RGS3: variants seen among roughly 807,000 people sequenced by gnomAD.
RGS3 encodes regulator of G protein signaling 3, also known as regulator of G-protein signalling 3.
RGS3 carries 80 observed loss-of-function variants against 132.6 expected under a neutral mutation model. That is an observed-to-expected ratio of 0.60 (90% CI 0.50 to 0.73). The LOEUF (loss-of-function observed/expected upper bound fraction) is 0.73, where lower values mean the gene tolerates loss of function less well. Among genes scored for constraint, RGS3 ranks in the 30% least tolerant of loss-of-function variants. The probability of loss-of-function intolerance (pLI) is 0.00; values close to 1 mark genes in which losing one functional copy is unlikely to be tolerated. For missense variants in RGS3, 1,382 were observed against 1,530.8 expected (o/e 0.90, Z 1.62); for synonymous variants, 598 against 620.6 (o/e 0.96, Z 0.54).
intron 17 of RGS3, among the ~76,000 whole-genome samples, chr9:113,527,755 A>T (rs1434497466): frequency 6.6e-6 from 1 of 152,150 alleles, no homozygotes; most frequent in African/African-American, 2.4e-5. Context: ...TTAGGAATTG[A>T]CTTGACCCAC....
rs1831165601 is a variant in RGS3 at position 113,507,173 on chromosome 9, CT to C, written c.1086-113del. On this transcript the variant is annotated intron_variant, in intron 12 of 24. Coordinates refer to ENST00000350696, the Ensembl canonical transcript of RGS3. The surrounding 1 kb of genome is among the most constrained non-coding windows in gnomAD (Gnocchi z 5.0). ...CCTGCCCTGACACTGGGGGCTTCCC[CT>C]CTGGTGTCTGCCTCCTCTTCCCCCA... 4 of 827,160 alleles carry C rather than the reference CT, an allele frequency of 4.8e-6. No individual in the cohort carries two copies. The highest frequency in any genetic ancestry group is 1.8e-5 in the South Asian group (1 of 55,762). 51.2% of individuals were successfully genotyped at this position (827,160 alleles called of 1,614,324 possible).
At position 113,584,416 on chromosome 9, in the gene RGS3, G is replaced by A. The variant is rs143304709; in HGVS notation, c.3004G>A (p.Gly1002Arg). The A allele has an allele frequency of 1.7e-4, 250 of 1,514,132 alleles. 1 individual carries two copies. The East Asian group carries it at 5.6e-3, about 34-fold the overall frequency. 93.8% of individuals were successfully genotyped at this position (1,514,132 alleles called of 1,614,324 possible). A position where few individuals can be genotyped will look rare whatever the true frequency, so the allele number is the denominator to read the frequency against. The change falls in exon 20 of 25, where the codon GGA becomes AGA. Residue 1002 changes from glycine (G) to arginine (R), a missense_variant. Coordinates refer to ENST00000350696, the Ensembl canonical transcript of RGS3. ...GCACCACCTTTCCCTCTTCTTCACA[G>A]GACACAGGAAGGTGAGAAAGCTAAA... is the stretch of plus-strand genomic sequence containing the variant.
intron 19 of RGS3, among the ~76,000 whole-genome samples, chr9:113,556,459 A>G (rs1038511783): frequency 1.3e-5 from 2 of 152,218 alleles, no homozygotes; most frequent in African/African-American, 4.8e-5. Flanking sequence ...GTGATAATAT[A>G]TAATCTTCCC....
At position 113,540,487 on chromosome 9, in the gene RGS3, C is replaced by T. The variant is rs572257448; in HGVS notation, c.2037+3569C>T. Among the ~76,000 whole-genome samples the T allele has an allele frequency of 8.3e-4, 127 of 152,248 alleles. 2 individuals carry two copies. The South Asian group carries it at 0.01, about 12-fold the overall frequency. On this transcript the variant is annotated intron_variant, in intron 19 of 24. Transcript: ENST00000350696. ...GATCTAAGCATGAAAGCCATGCTTGCGGGTCCTAAGAAGGATCCAGTGGGG... is the reference window on the plus strand; with the variant it reads ...GATCTAAGCATGAAAGCCATGCTTGTGGGTCCTAAGAAGGATCCAGTGGGG...
chr9:113,463,554 C>T lies in RGS3; in HGVS notation c.415+1353C>T, dbSNP rs540505179. ...TCCTGCTGGCTCCTTGGGTGGCTGCCGTCGCTGCTCAGCGCGGGTCGGCGG... is the reference window on the plus strand; with the variant it reads ...TCCTGCTGGCTCCTTGGGTGGCTGCTGTCGCTGCTCAGCGCGGGTCGGCGG... On this transcript the variant is annotated intron_variant, in intron 3 of 24. Coordinates refer to ENST00000350696, the Ensembl canonical transcript of RGS3. This position sits in a 1 kb window ranked among gnomAD's most constrained non-coding sequence, Gnocchi z 4.6. 7 of 308,744 alleles carry T rather than the reference C, an allele frequency of 2.3e-5. No individual in the cohort carries two copies. Among genetic ancestry groups the T allele is most frequent in the African/African-American group, 1.1e-4 (5 of 44,550 alleles). 19.1% of individuals were successfully genotyped at this position (308,744 alleles called of 1,614,324 possible).
intron 7 of RGS3, among the ~76,000 whole-genome samples, chr9:113,487,827 G>A (rs1476319220): frequency 6.6e-6 from 1 of 152,194 alleles, no homozygotes; most frequent in Non-Finnish European, 1.5e-5. Flanking sequence ...GGTGGTTCTC[G>A]ATCCTGGATA....
intron 20 of RGS3, chr9:113,589,962 C>G (rs1457756014): frequency 1.3e-5 from 2 of 152,234 alleles, no homozygotes; most frequent in Non-Finnish European, 2.9e-5. Flanking sequence ...AAATCACACA[C>G]CATACGGTGT....
chr9:113,498,341 C>T (rs1830752656), intron 10 of RGS3, among the ~76,000 whole-genome samples: 1 of 152,258 alleles, frequency 6.6e-6, no homozygotes, highest in East Asian at 1.9e-4. Context: ...ATCTTACTAA[C>T]TTTGGGCCTC....
intron 19 of RGS3, among the ~76,000 whole-genome samples, chr9:113,563,742 G>C (rs569162841): frequency 1.5e-4 from 23 of 152,306 alleles, no homozygotes; most frequent in Admixed American, 1.4e-3. Context: ...ATTCTGAGTC[G>C]ACCCGATAAA....
intron 10 of RGS3, among the ~76,000 whole-genome samples, chr9:113,504,118 C>G (rs897925221): frequency 2.0e-5 from 3 of 152,126 alleles, no homozygotes; most frequent in Non-Finnish European, 4.4e-5. Flanking sequence ...TCTGAGCCCC[C>G]TCCCACTCAC....
intron 10 of RGS3, among the ~76,000 whole-genome samples, chr9:113,502,539 C>A (rs1192021811): frequency 3.9e-5 from 6 of 152,226 alleles, no homozygotes; most frequent in African/African-American, 1.4e-4. Context: ...CTTCAGGCCC[C>A]ACTCTGTGTT....
At chr9:113,447,903 G>C (rs909354905) in intron 1 of RGS3, among the ~76,000 whole-genome samples, 1 of 149,948 alleles carries the variant, frequency 6.7e-6, no homozygotes, top group African/African-American at 2.5e-5. Context: ...AGGCTGCCAG[G>C]TTGGAGTGCA....
At chr9:113,510,050 T>C (rs113435711) in intron 14 of RGS3, among the ~76,000 whole-genome samples, 5,999 of 152,290 alleles carry the variant, frequency 0.039, 163 homozygotes, top group South Asian at 0.1. Flanking sequence ...GAGCAGAATA[T>C]ACTGCACCCC....
exon 3 of RGS3, chr9:113,462,190 T>A (rs773431210): frequency 6.2e-7 from 1 of 1,613,554 alleles, no homozygotes; most frequent in Admixed American, 1.7e-5. Context: ...CATGCCAAAG[T>A]CCAGGGTGCA....
At chr9:113,590,667 C>T (rs1195252282) in intron 20 of RGS3, among the ~76,000 whole-genome samples, 2 of 152,038 alleles carry the variant, frequency 1.3e-5, no homozygotes, top group East Asian at 3.9e-4. Context: ...TGAAGACCTT[C>T]TGTTGGTTGG....
At chr9:113,581,376 T>C (rs1225388418) in intron 19 of RGS3, 1 of 152,248 alleles carries the variant, frequency 6.6e-6, no homozygotes, top group African/African-American at 2.4e-5. Context: ...CAGCCCTTAG[T>C]TTCCAGATGA....
chr9:113,466,051 C>T (rs1240599403), intron 3 of RGS3, among the ~76,000 whole-genome samples: 2 of 152,208 alleles, frequency 1.3e-5, no homozygotes, highest in Non-Finnish European at 2.9e-5. Flanking sequence ...GTTAAAAATA[C>T]ACAGATTCCT....
intron 6 of RGS3, 69 bp from the exon 5 acceptor site, chr9:113,485,556 C>A: frequency 8.0e-7 from 1 of 1,252,032 alleles, no homozygotes; most frequent in Non-Finnish European, 1.1e-6. Flanking sequence ...TTATGACTGA[C>A]TCTATGAGTC....
At position 113,498,097 on chromosome 9, in the gene RGS3, T is replaced by C. The variant is rs1430162433; in HGVS notation, c.897+17T>C. ...AAACTAAAGGTAGGTGGGGACAAGC[T>C]AGGGCATTGCTCCAGGAGCTGGATC... On this transcript the variant is annotated intron_variant, in intron 10 of 24. Transcript: ENST00000350696. 1.9e-6 allele frequency: 3 copies of C among 1,612,550 alleles called. No homozygotes were observed. In the South Asian group the frequency reaches 3.3e-5, roughly 18 times the overall value.
Sources: allele counts gnomAD v4.1 joint callset (sites outside exome capture counted in the v4.1 genomes callset), GRCh38; gene constraint gnomAD v4.1.1; non-coding constraint Gnocchi (gnomAD v3.1); transcripts MANE v1.5; gene names NCBI Gene and HGNC (gene_info 2026-07-23, HGNC 2026-07-21).